Variants in FERMT2 observed in about 807,000 individuals in gnomAD.
FERMT2 encodes the protein FERM domain containing kindlin 2, also known as fermitin family homolog 2.
FERMT2 carries 15 observed loss-of-function variants against 82.7 expected under a neutral mutation model. The observed-to-expected ratio is 0.18, with a 90% confidence interval of 0.12 to 0.28. The LOEUF is 0.28. Ranked by LOEUF, FERMT2 falls within the 10% of genes least tolerant of loss-of-function variation. The pLI, the probability that FERMT2 is intolerant of heterozygous loss-of-function variation, is 1.00. For missense variants in FERMT2, 645 were observed against 809.4 expected, an observed-to-expected ratio of 0.80 and a Z score of 2.46; for synonymous variants, 274 against 271.5, an observed-to-expected ratio of 1.01 and a Z score of -0.09.
intron 8 of FERMT2, 64 bp downstream of exon 8, chr14:52,875,159 A>C (rs1395433331): frequency 1.4e-6 from 2 of 1,411,296 alleles, no homozygotes; most frequent in East Asian, 4.7e-5. Flanking sequence ...TTGAACCTAA[A>C]TCCACAAAAT....
At chr14:52,897,198 C>A (rs1887335248) in intron 3 of FERMT2, among the ~76,000 whole-genome samples, 1 of 152,120 alleles carries the variant, frequency 6.6e-6, no homozygotes, top group Non-Finnish European at 1.5e-5. Context: ...ATTTTAACAA[C>A]TGCATAATAT....
At chr14:52,902,355 T>G (rs1386998578) in intron 3 of FERMT2, among the ~76,000 whole-genome samples, 1 of 151,026 alleles carries the variant, frequency 6.6e-6, no homozygotes, top group African/African-American at 2.4e-5. Flanking sequence ...ATTGCACCAT[T>G]GCACTTCAGC....
intron 3 of FERMT2, among the ~76,000 whole-genome samples, chr14:52,902,892 C>CAAA (rs1355070805): frequency 2.0e-3 from 75 of 36,756 alleles, no homozygotes; most frequent in African/African-American, 6.6e-3. Context: ...AAAAAAAAAA[C>CAAA]CCCAAAACAC....
chr14:52,863,267 T>G (rs1594925225), intron 12 of FERMT2: 1 of 152,066 alleles, frequency 6.6e-6, no homozygotes, highest in Non-Finnish European at 1.5e-5. Context: ...AACATTTAGG[T>G]AGAAATAATT....
chr14:52,873,569 A>G (rs752630575), intron 9 of FERMT2: 4 of 152,456 alleles, frequency 2.6e-5, no homozygotes, highest in Middle Eastern at 3.2e-3. Context: ...GAAGTTCCAT[A>G]TTTTGAACTG....
intron 4 of FERMT2, among the ~76,000 whole-genome samples, chr14:52,886,204 G>C (rs948940804): frequency 6.6e-6 from 1 of 152,048 alleles, no homozygotes; most frequent in African/African-American, 2.4e-5. Context: ...TCAATATTGA[G>C]CAGAATGTAG....
rs557077511 is a variant in FERMT2, at chr14:52,857,888, T to G, written c.*489A>C. 1 of 154,974 alleles carries G rather than the reference T, an allele frequency of 6.5e-6. No individual in the cohort carries two copies. Among genetic ancestry groups the G allele is most frequent in the South Asian group, 2.0e-4 (1 of 4,974 alleles). 9.6% of individuals were successfully genotyped at this position (154,974 alleles called of 1,614,324 possible). On this transcript the variant is annotated 3_prime_UTR_variant, in exon 15 of 15. Coordinates refer to ENST00000341590, the MANE Select transcript of FERMT2 (RefSeq NM_006832.3). ...TCAAGGTCAAACACAATGACATTAC[T>G]AAATATCAGGCCTCCTGCATGCCTG... is the stretch of plus-strand genomic sequence containing the variant.
At chr14:52,911,373 T>C (rs997278482) in intron 3 of FERMT2, among the ~76,000 whole-genome samples, 3 of 151,934 alleles carry the variant, frequency 2.0e-5, no homozygotes, top group Admixed American at 6.6e-5. Context: ...GGCTGTGGGC[T>C]GGGCACAGTG....
chr14:52,912,496 T>C (rs1405816803), intron 3 of FERMT2, among the ~76,000 whole-genome samples: 1 of 151,664 alleles, frequency 6.6e-6, no homozygotes, highest in African/African-American at 2.4e-5. Context: ...CTGAACATCC[T>C]GTAACAGATC....
At chr14:52,870,968 C>G (rs1048042548) in intron 10 of FERMT2, among the ~76,000 whole-genome samples, 4 of 152,184 alleles carry the variant, frequency 2.6e-5, no homozygotes, top group Non-Finnish European at 5.9e-5. Context: ...GTTAGAAAGG[C>G]CTTATCTACA....
intron 2 of FERMT2, among the ~76,000 whole-genome samples, chr14:52,947,660 T>C (rs1890423101): frequency 6.6e-6 from 1 of 152,182 alleles, no homozygotes; most frequent in African/African-American, 2.4e-5. Flanking sequence ...TTATTTACAC[T>C]TATGTCGTGC....
At chr14:52,922,427 A>G (rs983071070) in intron 2 of FERMT2, among the ~76,000 whole-genome samples, 10 of 152,094 alleles carry the variant, frequency 6.6e-5, no homozygotes, top group African/African-American at 2.4e-4. Context: ...AACTACAGTG[A>G]AAGAGGGGGG....
intron 3 of FERMT2, among the ~76,000 whole-genome samples, chr14:52,913,261 A>T (rs1341454844): frequency 2.6e-5 from 4 of 152,232 alleles, no homozygotes; most frequent in Non-Finnish European, 5.9e-5. Context: ...ACTACATAGT[A>T]TCTTTTTGTA....
At chr14:52,908,401 A>T (rs997903823) in intron 3 of FERMT2, among the ~76,000 whole-genome samples, 7 of 152,202 alleles carry the variant, frequency 4.6e-5, no homozygotes, top group African/African-American at 1.7e-4. Context: ...CTTTTTTTTA[A>T]AATAATGAGC....
chr14:52,890,794 G>T (rs775702339), intron 4 of FERMT2, among the ~76,000 whole-genome samples: 33 of 151,836 alleles, frequency 2.2e-4, no homozygotes, highest in Non-Finnish European at 4.3e-4. Flanking sequence ...GTAGAAATGG[G>T]GTTTCACCAT....
At chr14:52,920,482 T>A (rs578199124) in intron 2 of FERMT2, among the ~76,000 whole-genome samples, 3 of 151,474 alleles carry the variant, frequency 2.0e-5, no homozygotes, top group South Asian at 2.1e-4. Flanking sequence ...TTTTTTTTTT[T>A]AATTAGCCAG....
chr14:52,939,507 A>G (rs1316601523), intron 2 of FERMT2, among the ~76,000 whole-genome samples: 1 of 152,206 alleles, frequency 6.6e-6, no homozygotes, highest in African/African-American at 2.4e-5. Flanking sequence ...TGGAACTGTA[A>G]TTATCATCAT....
At chr14:52,947,755 G>T (rs966238078) in intron 2 of FERMT2, among the ~76,000 whole-genome samples, 1 of 152,138 alleles carries the variant, frequency 6.6e-6, no homozygotes, top group African/African-American at 2.4e-5. Flanking sequence ...ATTGTGTCAT[G>T]ACTTCTTTTG....
chr14:52,870,103 T>G (rs1329376431), intron 10 of FERMT2, among the ~76,000 whole-genome samples: 3 of 152,018 alleles, frequency 2.0e-5, no homozygotes, highest in Non-Finnish European at 4.4e-5. Flanking sequence ...TAAGCAAAGG[T>G]TTGAAGAAAG....
Sources: allele counts gnomAD v4.1 joint callset (sites outside exome capture counted in the v4.1 genomes callset), GRCh38; gene constraint gnomAD v4.1.1; transcripts MANE v1.5; gene names NCBI Gene and HGNC (gene_info 2026-07-23, HGNC 2026-07-21).